PIK3R4: variants seen among roughly 807,000 people sequenced by gnomAD.
PIK3R4 encodes phosphoinositide 3-kinase regulatory subunit 4.
Under a neutral mutation model 136.5 loss-of-function variants are expected in PIK3R4, and 46 were observed. The ratio of observed to expected loss-of-function variants is 0.34; its 90% CI spans 0.27 to 0.43. The LOEUF (loss-of-function observed/expected upper bound fraction) is 0.43. Among genes scored for constraint, PIK3R4 ranks in the 20% least tolerant of loss-of-function variants. The pLI, the probability that PIK3R4 is intolerant of heterozygous loss-of-function variation, is 1.00. For missense variants in PIK3R4, 1,331 were observed against 1,649.5 expected (o/e 0.81, Z 3.35); for synonymous variants, 557 against 566.7 (o/e 0.98, Z 0.24).
chr3:130,688,533 C>T (rs1157476341), intron 14 of PIK3R4, among the ~76,000 whole-genome samples: 2 of 152,164 alleles, frequency 1.3e-5, no homozygotes, highest in African/African-American at 4.8e-5. Context: ...TTTAAATTCA[C>T]TTTTTGTGGT....
rs538273210 is a variant in PIK3R4, at chr3:130,734,126, G to C, written c.872C>G (p.Thr291Ser). ...ATCTGGCTCACGGTGAATCATCTGA[G>C]TTACCTATACCAAGGGAAGAAAAGG... The part of the protein sequence containing the change: ...IEDHSIRELV[T>S]QMIHREPDKR... Residue 291 changes from threonine to serine, a missense_variant, in exon 4 of 20, where the codon ACT becomes AGT. This residue lies in a region of PIK3R4 where 1,180 missense variants were observed against 1,407.0 expected (regional missense o/e 0.84). Coordinates refer to ENST00000356763, the MANE Select transcript of PIK3R4 (RefSeq NM_014602.3). 1 of 1,607,364 alleles carries C rather than the reference G, an allele frequency of 6.2e-7. No individual in the cohort carries two copies. The highest frequency in any genetic ancestry group is 1.1e-5 in the South Asian group (1 of 90,684).
intron 2 of PIK3R4, among the ~76,000 whole-genome samples, chr3:130,742,807 T>C (rs1329761349): frequency 6.6e-6 from 1 of 152,224 alleles, no homozygotes; most frequent in East Asian, 1.9e-4. Flanking sequence ...CGATGCCAGA[T>C]TTCTTTTGAA....
rs964618024 is a variant in PIK3R4, at chr3:130,727,468, C to T, written c.1807+995G>A. On this transcript the variant is annotated intron_variant, in intron 6 of 19. Transcript: ENST00000356763. ...TCGATCTCCTAACCTCGTGATCCGC[C>T]CGCCTCGGCCTCCCAAAGTGCTGGG... is the stretch of plus-strand genomic sequence containing the variant. 4.6e-5 allele frequency among the ~76,000 whole-genome samples: 7 copies of T among 152,220 alleles called. 1 individual carries two copies. The highest frequency in any genetic ancestry group is 3.2e-3 in the Middle Eastern group (1 of 316).
rs1301236683 is a variant in PIK3R4 at position 130,730,389 on chromosome 3, A to G, written c.1504T>C (p.Leu502=). Residue 502 remains leucine, a synonymous_variant, in exon 5 of 20, where the codon TTA becomes CTA. Coordinates refer to ENST00000356763, the MANE Select transcript of PIK3R4 (RefSeq NM_014602.3). The stretch of plus-strand genomic sequence containing the variant: ...TCATTTTCCATATTAAGATTTTTTA[A>G]CTGTACTAATTCCAGGAATCTCAGA... The part of the protein sequence containing the change: ...TALRFLELVQ[L]KNLNMENDPN... 5 of 1,602,856 alleles carry G rather than the reference A, an allele frequency of 3.1e-6. No homozygotes were observed. The African/African-American group carries it at 5.4e-5, about 17-fold the overall frequency.
At chr3:130,712,455 G>C (rs992298632) in intron 9 of PIK3R4, among the ~76,000 whole-genome samples, 1 of 152,050 alleles carries the variant, frequency 6.6e-6, no homozygotes, top group African/African-American at 2.4e-5. Context: ...GATCACCTGA[G>C]GTTGGGAGTT....
intron 14 of PIK3R4, among the ~76,000 whole-genome samples, chr3:130,687,023 A>G (rs2066494126): frequency 6.6e-6 from 1 of 151,274 alleles, no homozygotes; most frequent in Non-Finnish European, 1.5e-5. Flanking sequence ...GTACAGGTTA[A>G]TTATCACTTA....
At chr3:130,683,024 G>A (rs1210730384) in intron 16 of PIK3R4, among the ~76,000 whole-genome samples, 2 of 152,152 alleles carry the variant, frequency 1.3e-5, no homozygotes, top group South Asian at 2.1e-4. Flanking sequence ...TGGAGGTAGT[G>A]AAGAGTGATC....
intron 2 of PIK3R4, among the ~76,000 whole-genome samples, chr3:130,741,276 C>T (rs1364331196): frequency 6.6e-6 from 1 of 152,120 alleles, no homozygotes; most frequent in African/African-American, 2.4e-5. Context: ...GAGAAAAACC[C>T]ATGAGGACAC....
chr3:130,731,130 T>A (rs2066757959), intron 4 of PIK3R4, among the ~76,000 whole-genome samples: 1 of 152,194 alleles, frequency 6.6e-6, no homozygotes, highest in African/African-American at 2.4e-5. Flanking sequence ...GCTGTCACAT[T>A]TACTATCAAT....
chr3:130,702,985 C>G (rs577687034), intron 13 of PIK3R4, among the ~76,000 whole-genome samples: 1 of 152,224 alleles, frequency 6.6e-6, no homozygotes, highest in South Asian at 2.1e-4. Context: ...CATTTCCCAC[C>G]ACCTCATACT....
chr3:130,690,458 A>G (rs776127275), intron 14 of PIK3R4, 32 bp downstream of exon 14: 1 of 1,554,638 alleles, frequency 6.4e-7, no homozygotes, highest in Non-Finnish European at 8.8e-7. Flanking sequence ...TGCACTAAAT[A>G]CAATGTTTAA....
At chr3:130,744,418 C>T in intron 2 of PIK3R4, 68 bp downstream of exon 2, 1 of 1,491,130 alleles carries the variant, frequency 6.7e-7, no homozygotes, top group Non-Finnish European at 8.9e-7. Context: ...CTAAAAAAAG[C>T]CACATTTCTG....
intron 16 of PIK3R4, among the ~76,000 whole-genome samples, chr3:130,682,160 C>G (rs2066463496): frequency 6.6e-6 from 1 of 152,098 alleles, no homozygotes; most frequent in South Asian, 2.1e-4. Context: ...AGTGACTTTG[C>G]AGATGTGATG....
intron 2 of PIK3R4, 122 bp downstream of exon 2, chr3:130,744,364 C>T (rs888305265): frequency 5.4e-5 from 56 of 1,040,072 alleles, no homozygotes; most frequent in Non-Finnish European, 6.4e-5. Context: ...ACTGAAATAG[C>T]GTCTGAGGAC....
intron 2 of PIK3R4, among the ~76,000 whole-genome samples, chr3:130,738,335 T>C (rs2066797312): frequency 6.6e-6 from 1 of 152,216 alleles, no homozygotes; most frequent in East Asian, 1.9e-4. Flanking sequence ...CTAATCAGTT[T>C]ACTGGGATGT....
intron 14 of PIK3R4, among the ~76,000 whole-genome samples, chr3:130,687,058 G>A (rs1448252561): frequency 7.8e-6 from 1 of 128,804 alleles, no homozygotes; most frequent in African/African-American, 3.0e-5. Flanking sequence ...AACCACAACT[G>A]TTTCAGATTT....
intron 5 of PIK3R4, 27 bp from the exon 6 acceptor site, chr3:130,728,711 GAAAGAAAGA>G: frequency 1.5e-6 from 2 of 1,338,064 alleles, no homozygotes; most frequent in Non-Finnish European, 2.0e-6. Context: ...AAGAAAGAAA[GAAAGAAAGA>G]AAAGAAATAG....
At chr3:130,707,157 A>T in intron 10 of PIK3R4, 22 bp from the exon 11 acceptor site, 1 of 1,560,324 alleles carries the variant, frequency 6.4e-7, no homozygotes, top group Non-Finnish European at 8.7e-7. Context: ...TATTCAGAAT[A>T]GTTAGTCTGA....
rs745780599 is a variant in PIK3R4 at position 130,716,449 on chromosome 3, G to A, written c.2278C>T (p.Pro760Ser). 1 of 1,614,180 alleles carries A rather than the reference G, an allele frequency of 6.2e-7. No individual in the cohort carries two copies. Among genetic ancestry groups the A allele is most frequent in the South Asian group, 1.1e-5 (1 of 91,082 alleles). Residue 760 changes from proline (P) to serine (S), a missense_variant, in exon 9 of 20, where the codon CCT (proline) becomes TCT (serine). Pro to Ser is a moderately conservative substitution (Grantham distance 74). This residue lies in a region of PIK3R4 where 1,180 missense variants were observed against 1,407.0 expected (regional missense o/e 0.84). Transcript: ENST00000356763. Reference sequence around the variant, plus strand: ...GCTATGGCAGGATCCTCTGGCGGAGGGCAGTCGGGAAGAGAACCATTTCGT... The same window carrying A: ...GCTATGGCAGGATCCTCTGGCGGAGAGCAGTCGGGAAGAGAACCATTTCGT... The part of the protein sequence containing the change: ...KKRNGSLPDC[P>S]PPEDPAIAQL...
Sources: gnomAD v4.1 joint callset for allele counts (sites outside exome capture counted in the v4.1 genomes callset) on GRCh38, gnomAD v4.1.1 for gene constraint, gnomAD v4.1.1 regional missense constraint, MANE v1.5 for transcripts, NCBI Gene and HGNC (gene_info 2026-07-23, HGNC 2026-07-21) for gene names.